Variants in NECTIN4 observed in about 807,000 individuals in gnomAD.
The protein encoded by NECTIN4 is nectin cell adhesion molecule 4, also known as nectin-4.
Under a neutral mutation model 51.7 loss-of-function variants are expected in NECTIN4, and 19 were observed. The ratio of observed to expected loss-of-function variants is 0.37; its 90% CI spans 0.26 to 0.54. The LOEUF (loss-of-function observed/expected upper bound fraction) is 0.54. Ranked by LOEUF, NECTIN4 falls within the 20% of genes least tolerant of loss-of-function variation. The probability of loss-of-function intolerance (pLI) is 0.86; values close to 1 mark genes in which losing one functional copy is unlikely to be tolerated. For missense variants in NECTIN4, 619 were observed against 662.4 expected (o/e 0.93, Z 0.72); for synonymous variants, 283 against 286.9 (o/e 0.99, Z 0.14).
chr1:161,075,628 T>A (rs1218870721), intron 4 of NECTIN4, among the ~76,000 whole-genome samples: 1 of 151,816 alleles, frequency 6.6e-6, no homozygotes, highest in Non-Finnish European at 1.5e-5. Flanking sequence ...AAAAACTAGC[T>A]GGGCATGCTG....
Position 161,079,875 on chromosome 1 carries a change from A to G in NECTIN4, c.154T>C (p.Cys52Arg), listed in dbSNP as rs757410676. The change falls in exon 2 of 9, where the codon TGC (cysteine) becomes CGC (arginine). Residue 52 changes from cysteine to arginine, a missense_variant. Cys to Arg is a radical substitution (Grantham distance 180). Around this residue, in one of 3 missense-constraint regions of NECTIN4, gnomAD observed 218 missense variants for 186.3 expected, o/e 1.17. Coordinates refer to ENST00000368012, the MANE Select transcript of NECTIN4 (RefSeq NM_030916.3). ...TCGCCGGAGTCCCCTCGGTAGAAGC[A>G]GGGCAGTTTTGCGTCCTGGCCCAGC... ...VVLGQDAKLP[C>R]FYRGDSGEQV... 1.9e-6 allele frequency: 3 copies of G among 1,613,848 alleles called. No homozygotes were observed.
intron 5 of NECTIN4, 40 bp from the exon 6 acceptor site, chr1:161,074,413 G>A: frequency 1.9e-6 from 3 of 1,613,860 alleles, no homozygotes. Flanking sequence ...GAAGCCTGCA[G>A]CCACAACCCA....
rs1272340195 is a variant in NECTIN4, at chr1:161,089,545, CCAA to C, written c.-252_-250del. 5.5e-6 allele frequency: 3 copies of C among 546,778 alleles called. No homozygotes were observed. 33.9% of individuals were successfully genotyped at this position (546,778 alleles called of 1,614,324 possible). On this transcript the variant is annotated 5_prime_UTR_variant, in exon 1 of 9. Transcript: ENST00000368012. This position sits in a 1 kb window ranked among gnomAD's most constrained non-coding sequence, Gnocchi z 4.1. ...CCCAGAGCTGCTTCCCACGCTGTGG[CCAA>C]CAACGACGGCAGAAACCTGGGAACC...
rs1303833755 is a variant in NECTIN4 at position 161,072,648 on chromosome 1, A to C, written c.*13T>G. 1 of 1,607,818 alleles carries C rather than the reference A, an allele frequency of 6.2e-7. No homozygotes were observed. The highest frequency in any genetic ancestry group is 1.3e-5 in the African/African-American group (1 of 74,812). ...AGAAGGAGCCAGGCCTAGGGAAGGG[A>C]GGCAGGCCTGGGTCAGACCAGGTGT... On this transcript the variant is annotated 3_prime_UTR_variant, in exon 9 of 9. Coordinates refer to ENST00000368012, the MANE Select transcript of NECTIN4 (RefSeq NM_030916.3).
At chr1:161,074,810 C>G in intron 4 of NECTIN4, 51 bp from the exon 5 acceptor site, 2 of 1,587,690 alleles carry the variant, frequency 1.3e-6, no homozygotes, top group Non-Finnish European at 1.7e-6. Flanking sequence ...CTGAAGCCAC[C>G]ACCACCCAAC....
chr1:161,087,825 A>G (rs961286344), intron 1 of NECTIN4, among the ~76,000 whole-genome samples: 6 of 152,018 alleles, frequency 3.9e-5, no homozygotes, highest in Non-Finnish European at 7.4e-5. Context: ...TCACTTGCCT[A>G]TCTCTCTCAG....
In NECTIN4 at chr1:161,074,769, A is replaced by C; in HGVS notation, c.852-10T>G. 1 of 1,612,708 alleles carries C rather than the reference A, an allele frequency of 6.2e-7. No homozygotes were observed. The highest frequency in any genetic ancestry group is 8.5e-7 in the Non-Finnish European group (1 of 1,179,730). ...CAGAGGCCCATCCAGCCTGGAAGACAGGGAAGCTGAAGGGTGCCAGCCGGG... is the reference window on the plus strand; with the variant it reads ...CAGAGGCCCATCCAGCCTGGAAGACCGGGAAGCTGAAGGGTGCCAGCCGGG... On this transcript the variant is annotated splice_polypyrimidine_tract_variant and intron_variant, in intron 4 of 8. Coordinates refer to ENST00000368012, the MANE Select transcript of NECTIN4 (RefSeq NM_030916.3).
chr1:161,074,418 A>C, intron 5 of NECTIN4, 45 bp from the exon 6 acceptor site: 1 of 1,613,732 alleles, frequency 6.2e-7, no homozygotes, highest in Non-Finnish European at 8.5e-7. Flanking sequence ...CTGCAGCCAC[A>C]ACCCACCCCA....
chr1:161,079,656 A>T lies in NECTIN4; in HGVS notation c.373T>A (p.Tyr125Asn). The change falls in exon 2 of 9, where the codon TAC becomes AAC. Residue 125 changes from tyrosine to asparagine, a missense_variant. This residue lies in a region of NECTIN4 where 218 missense variants were observed against 186.3 expected (regional missense o/e 1.17). Transcript: ENST00000368012. ...RNAVQADEGE[Y>N]ECRVSTFPAG... Reference sequence around the variant, plus strand: ...GGGAAGGTGCTGACCCGGCACTCGTACTCGCCCTCATCCGCCTGCACTGCG... The same window carrying T: ...GGGAAGGTGCTGACCCGGCACTCGTTCTCGCCCTCATCCGCCTGCACTGCG... 1 of 1,606,088 alleles carries T rather than the reference A, an allele frequency of 6.2e-7. No homozygotes were observed. Among genetic ancestry groups the T allele is most frequent in the East Asian group, 2.2e-5 (1 of 44,860 alleles).
Position 161,072,352 on chromosome 1 carries a change from GA to G in NECTIN4, c.*308del, listed in dbSNP as rs1653204233. ...ACCACAGTTCACTTGACTCTGATAT[GA>G]CAGCATAATACACACCACGGACACA... On this transcript the variant is annotated 3_prime_UTR_variant, in exon 9 of 9. Coordinates refer to ENST00000368012, the MANE Select transcript of NECTIN4 (RefSeq NM_030916.3). 8 of 475,072 alleles carry G rather than the reference GA, an allele frequency of 1.7e-5. No individual in the cohort carries two copies. Among genetic ancestry groups the G allele is most frequent in the Admixed American group, 3.3e-5 (1 of 29,888 alleles). 29.4% of individuals were successfully genotyped at this position (475,072 alleles called of 1,614,324 possible). A position where few individuals can be genotyped will look rare whatever the true frequency, so the allele number is the denominator to read the frequency against.
chr1:161,074,485 A>G, intron 5 of NECTIN4, 112 bp from the exon 6 acceptor site: 1 of 1,582,144 alleles, frequency 6.3e-7, no homozygotes, highest in Non-Finnish European at 8.7e-7. Flanking sequence ...GATTCTCTGC[A>G]AGACACACAG....
chr1:161,073,514 G>A (rs760762716), intron 7 of NECTIN4, among the ~76,000 whole-genome samples: 1 of 152,236 alleles, frequency 6.6e-6, no homozygotes, highest in Non-Finnish European at 1.5e-5. Flanking sequence ...AAAGGCCCTA[G>A]GCCAATGCTG....
chr1:161,076,555 C>G, intron 3 of NECTIN4, 80 bp from the exon 4 acceptor site: 2 of 1,585,394 alleles, frequency 1.3e-6, no homozygotes. Flanking sequence ...TGCCCCCACC[C>G]CACCCTGCCT....
intron 1 of NECTIN4, among the ~76,000 whole-genome samples, chr1:161,080,390 C>T (rs1172060041): frequency 1.3e-5 from 2 of 152,186 alleles, no homozygotes; most frequent in African/African-American, 4.8e-5. Context: ...GTTCAACCCA[C>T]CAACCGGGAA....
At position 161,074,346 on chromosome 1, in the gene NECTIN4, A is replaced by G. The variant is rs1417438515; in HGVS notation, c.1028T>C (p.Val343Ala). ...CACCACCGAGGCTGACACTAGGTCC[A>G]CCTGCTTCCCAGAGTCTTCCTGGGG... ...LDPQEDSGKQ[V>A]DLVSASVVVV... is the part of the protein sequence containing the mutation. The change falls in exon 6 of 9, where the codon GTG becomes GCG. Residue 343 changes from valine to alanine, a missense_variant. Val to Ala is a moderately conservative substitution (Grantham distance 64, BLOSUM62 0). Coordinates refer to ENST00000368012, the MANE Select transcript of NECTIN4 (RefSeq NM_030916.3). 3 of 1,613,906 alleles carry G rather than the reference A, an allele frequency of 1.9e-6. No homozygotes were observed. Among genetic ancestry groups the G allele is most frequent in the South Asian group, 1.1e-5 (1 of 91,056 alleles).
At chr1:161,087,248 C>G (rs1303803576) in intron 1 of NECTIN4, 1 of 152,080 alleles carries the variant, frequency 6.6e-6, no homozygotes, top group Non-Finnish European at 1.5e-5. Context: ...AGCCTCCAGC[C>G]CCCAGAGCAA....
At chr1:161,087,384 A>C (rs1360116013) in intron 1 of NECTIN4, 2 of 151,938 alleles carry the variant, frequency 1.3e-5, no homozygotes, top group Admixed American at 1.3e-4. Flanking sequence ...ATGAGGTCTA[A>C]CTAGAAGGGG....
At chr1:161,073,014 G>T in intron 8 of NECTIN4, 129 bp from the exon 9 acceptor site, 1 of 996,826 alleles carries the variant, frequency 1.0e-6, no homozygotes, top group East Asian at 2.6e-5. Context: ...CAGAAGCATA[G>T]GGGCCCAGAG....
chr1:161,079,647 G>A lies in NECTIN4; in HGVS notation c.382C>T (p.Arg128Trp). The change falls in exon 2 of 9, where the codon CGG becomes TGG. Residue 128 changes from arginine (R) to tryptophan (W), a missense_variant. Arg to Trp is a moderately radical substitution (Grantham distance 101). Coordinates refer to ENST00000368012, the MANE Select transcript of NECTIN4 (RefSeq NM_030916.3). ...VQADEGEYEC[R>W]VSTFPAGSFQ... Reference sequence around the variant, plus strand: ...CTGCCGGCGGGGAAGGTGCTGACCCGGCACTCGTACTCGCCCTCATCCGCC... The same window carrying A: ...CTGCCGGCGGGGAAGGTGCTGACCCAGCACTCGTACTCGCCCTCATCCGCC... The A allele has an allele frequency of 1.9e-6, 3 of 1,605,582 alleles. No individual in the cohort carries two copies. The highest frequency in any genetic ancestry group is 4.5e-5 in the East Asian group (2 of 44,860).
Sources: gnomAD v4.1 joint callset for allele counts (sites outside exome capture counted in the v4.1 genomes callset) on GRCh38, gnomAD v4.1.1 for gene constraint, gnomAD v4.1.1 regional missense constraint, Gnocchi (gnomAD v3.1) non-coding constraint, MANE v1.5 for transcripts, NCBI Gene and HGNC (gene_info 2026-07-23, HGNC 2026-07-21) for gene names.